The following GARS1 variants were observed in gnomAD, a reference collection of about 807,000 sequenced individuals.
GARS1 encodes glycyl-tRNA synthetase 1.
Under a neutral mutation model 86.4 loss-of-function variants are expected in GARS1, and 46 were observed. That is an observed-to-expected ratio of 0.53 (90% confidence interval 0.42 to 0.68). GARS1 has a LOEUF of 0.68. Ranked by LOEUF, GARS1 falls within the 30% of genes least tolerant of loss-of-function variation. The pLI is 0.00. For synonymous variants in GARS1, 342 were observed against 329.8 expected, an observed-to-expected ratio of 1.04 and a Z score of -0.40; for missense variants, 797 against 915.6, an observed-to-expected ratio of 0.87 and a Z score of 1.67.
chr7:30,627,082 A>C, intron 13 of GARS1: 1 of 466,590 alleles, frequency 2.1e-6, no homozygotes, highest in South Asian at 1.6e-5. Flanking sequence ...TTAGGCAATG[A>C]GTAATTTGGA....
intron 12 of GARS1, among the ~76,000 whole-genome samples, chr7:30,625,067 C>T (rs955613810): frequency 1.3e-5 from 2 of 152,092 alleles, no homozygotes; most frequent in African/African-American, 4.8e-5. Context: ...CTCAGCCTCC[C>T]GAGTAGCTGG....
At chr7:30,627,935 T>A (rs1162799499) in intron 13 of GARS1, among the ~76,000 whole-genome samples, 1 of 152,224 alleles carries the variant, frequency 6.6e-6, no homozygotes, top group Non-Finnish European at 1.5e-5. Flanking sequence ...GTAATAGAGA[T>A]AAAGTGTAGC....
At position 30,631,552 on chromosome 7, in the gene GARS1, T is replaced by G; in HGVS notation, c.1903+11T>G. ...TTGTCAAGGAATTATGTAAGCAAAT[T>G]CAATTGGGTAAACTCCATGGGAACA... On this transcript the variant is annotated intron_variant, in intron 15 of 16. Transcript: ENST00000389266. 1 of 1,573,582 alleles carries G rather than the reference T, an allele frequency of 6.4e-7. No individual in the cohort carries two copies. The highest frequency in any genetic ancestry group is 1.1e-5 in the South Asian group (1 of 90,300).
chr7:30,623,737 G>A (rs1783066348), intron 12 of GARS1, among the ~76,000 whole-genome samples: 1 of 152,074 alleles, frequency 6.6e-6, no homozygotes, highest in African/African-American at 2.4e-5. Flanking sequence ...GCCCCAAGCA[G>A]GATAAACACG....
chr7:30,631,686 C>T, intron 15 of GARS1, 145 bp downstream of exon 15: 1 of 666,568 alleles, frequency 1.5e-6, no homozygotes, highest in Non-Finnish European at 2.7e-6. Context: ...TTAGCCTGTA[C>T]TCTTATTTCT....
chr7:30,624,044 A>T (rs949711449), intron 12 of GARS1, among the ~76,000 whole-genome samples: 5 of 152,208 alleles, frequency 3.3e-5, no homozygotes, highest in Admixed American at 6.5e-5. Flanking sequence ...GTGGCCCAGG[A>T]TGGCTTTTGA....
chr7:30,603,223 CA>C (rs1361249245), intron 5 of GARS1, 101 bp downstream of exon 5: 116 of 955,778 alleles, frequency 1.2e-4, no homozygotes, highest in Non-Finnish European at 1.8e-4. Flanking sequence ...GCATAACATT[CA>C]AAGAGCAAAG....
At chr7:30,623,716 C>A (rs1783066045) in intron 12 of GARS1, among the ~76,000 whole-genome samples, 1 of 152,096 alleles carries the variant, frequency 6.6e-6, no homozygotes. Context: ...ACTACAGATT[C>A]AAGAAGCTTA....
intron 15 of GARS1, among the ~76,000 whole-genome samples, chr7:30,631,770 AT>A (rs2128136243): frequency 6.6e-6 from 1 of 152,328 alleles, no homozygotes; most frequent in African/African-American, 2.4e-5. Context: ...CAAGAGTCAG[AT>A]TTAAAAATTA....
At chr7:30,616,331 C>T (rs568994527) in intron 9 of GARS1, among the ~76,000 whole-genome samples, 1 of 152,324 alleles carries the variant, frequency 6.6e-6, no homozygotes, top group Non-Finnish European at 1.5e-5. Flanking sequence ...TTGTGCCTCA[C>T]CAATCTGACT....
Position 30,621,826 on chromosome 7 carries a change from A to AT in GARS1, c.1467+327dup, listed in dbSNP as rs1355556995. ...CTGCACCTACCTACGTGCTCTTTAA[A>AT]TAAAGGGTACCTGGTGAAAGCTTTT... On this transcript the variant is annotated intron_variant, in intron 11 of 16. Coordinates refer to ENST00000389266, the MANE Select transcript of GARS1 (RefSeq NM_002047.4). 11 of 425,886 alleles carry AT rather than the reference A, an allele frequency of 2.6e-5. No homozygotes were observed. In the East Asian group the frequency reaches 4.5e-4, roughly 18 times the overall value. The allele number at this position is 425,886 out of a possible 1,614,324, so 26.4% of individuals were successfully genotyped here. A position where few individuals can be genotyped will look rare whatever the true frequency, so the allele number is the denominator to read the frequency against.
intron 5 of GARS1, 130 bp downstream of exon 5, chr7:30,603,252 T>C (rs968163843): frequency 2.5e-6 from 2 of 790,160 alleles, no homozygotes; most frequent in Non-Finnish European, 4.2e-6. Flanking sequence ...ATCTTAAGTA[T>C]ATAGATCAAG....
intron 8 of GARS1, 134 bp downstream of exon 8, chr7:30,612,379 G>A (rs1782777933): frequency 3.3e-6 from 3 of 921,922 alleles, no homozygotes; most frequent in Non-Finnish European, 5.1e-6. Context: ...CAAAAATCAT[G>A]TTTTACATTT....
intron 8 of GARS1, among the ~76,000 whole-genome samples, chr7:30,615,196 A>C (rs1782867883): frequency 6.6e-6 from 1 of 152,246 alleles, no homozygotes; most frequent in African/African-American, 2.4e-5. Flanking sequence ...ATAACACTTT[A>C]TTTAAGAAGC....
chr7:30,597,684 TA>T (rs1156987931), intron 1 of GARS1, among the ~76,000 whole-genome samples: 1 of 152,190 alleles, frequency 6.6e-6, no homozygotes, highest in East Asian at 1.9e-4. Context: ...CACATATTTT[TA>T]AAATGCTTAA....
chr7:30,616,269 G>T, intron 9 of GARS1, among the ~76,000 whole-genome samples: 1 of 152,124 alleles, frequency 6.6e-6, no homozygotes, highest in Non-Finnish European at 1.5e-5. Context: ...CTTGGGGCTA[G>T]CATGAAAAAA....
rs1211728117 is a variant in GARS1 at position 30,595,102 on chromosome 7, G to A, written c.181G>A (p.Glu61Lys). 6.5e-7 allele frequency: 1 copy of A among 1,541,942 alleles called. No homozygotes were observed. The highest frequency in any genetic ancestry group is 1.4e-5 in the African/African-American group (1 of 73,532). Residue 61 changes from glutamate (E) to lysine (K), a missense_variant, in exon 1 of 17, where the codon GAG (glutamate) becomes AAG (lysine). Glu to Lys is a moderately conservative substitution (Grantham distance 56). Coordinates refer to ENST00000389266, the MANE Select transcript of GARS1 (RefSeq NM_002047.4). ...SRSSMDGAGA[E>K]EVLAPLRLAV... ...GAGCAGCATGGACGGCGCGGGGGCT[G>A]AGGAGGTGCTGGCACCTCTGAGGCT... is the stretch of plus-strand genomic sequence containing the variant.
At chr7:30,595,716 C>G in intron 1 of GARS1, 1 of 469,372 alleles carries the variant, frequency 2.1e-6, no homozygotes, top group South Asian at 1.6e-5. Context: ...GAATGATTGG[C>G]TGAGAAAATA....
intron 5 of GARS1, 99 bp downstream of exon 5, chr7:30,603,221 T>G: frequency 2.0e-6 from 2 of 1,006,132 alleles, no homozygotes; most frequent in Admixed American, 1.8e-5. Flanking sequence ...AGGCATAACA[T>G]TCAAAGAGCA....
Sources: allele counts gnomAD v4.1 joint callset (sites outside exome capture counted in the v4.1 genomes callset), GRCh38; gene constraint gnomAD v4.1.1; transcripts MANE v1.5; gene names NCBI Gene and HGNC (gene_info 2026-07-23, HGNC 2026-07-21).